NPAS3: variants seen among roughly 807,000 people sequenced by gnomAD.
The protein encoded by NPAS3 is neuronal PAS domain protein 3.
A neutral mutation model predicts 73.1 loss-of-function variants in NPAS3; 14 were observed. That is an observed-to-expected ratio of 0.19 (90% CI 0.13 to 0.30). The LOEUF is 0.30. Ranked by LOEUF, NPAS3 falls within the 10% of genes least tolerant of loss-of-function variation. The pLI is 1.00. For synonymous variants in NPAS3, 620 were observed against 541.5 expected, an observed-to-expected ratio of 1.14 and a Z score of -2.01; for missense variants, 1,096 against 1,250.0, an observed-to-expected ratio of 0.88 and a Z score of 1.86.
At chr14:33,652,531 G>C (rs756106474) in intron 5 of NPAS3, among the ~76,000 whole-genome samples, 4 of 152,136 alleles carry the variant, frequency 2.6e-5, no homozygotes, top group Admixed American at 2.6e-4. Context: ...CCAGGGGCTC[G>C]CAGAGCCCAA....
At chr14:33,381,653 G>T (rs1463511519) in intron 4 of NPAS3, among the ~76,000 whole-genome samples, 1 of 152,186 alleles carries the variant, frequency 6.6e-6, no homozygotes, top group East Asian at 1.9e-4. Flanking sequence ...GAGTGACAGA[G>T]AAAAGAATTA....
intron 7 of NPAS3, among the ~76,000 whole-genome samples, chr14:33,769,762 T>TTTC (rs2062589116): frequency 7.8e-6 from 1 of 127,720 alleles, no homozygotes; most frequent in Non-Finnish European, 1.7e-5. Context: ...TTTTCTTTTT[T>TTTC]TTTTTTTTTT....
intron 5 of NPAS3, among the ~76,000 whole-genome samples, chr14:33,582,781 G>A (rs2056717291): frequency 1.3e-5 from 2 of 152,086 alleles, no homozygotes; most frequent in African/African-American, 4.8e-5. Context: ...TTATAGATAT[G>A]TATGCTATAA....
chr14:33,727,477 T>C (rs575393827), intron 6 of NPAS3, among the ~76,000 whole-genome samples: 19 of 152,214 alleles, frequency 1.2e-4, no homozygotes, highest in African/African-American at 3.9e-4. Context: ...ACAGTGAAGA[T>C]TGAACATGAC....
rs146421247 is a variant in NPAS3 at position 33,442,323 on chromosome 14, C to G, written c.468+75055C>G. On this transcript the variant is annotated intron_variant, in intron 4 of 11. Transcript: ENST00000356141. ...ATGGTGGTGCCTGCCTGCAGCCTCA[C>G]CTACTCAGGAGACTGAGGTGGGAGG... Among the ~76,000 whole-genome samples, 20 of 152,092 alleles carry G rather than the reference C, an allele frequency of 1.3e-4. No individual in the cohort carries two copies. The East Asian group carries it at 3.9e-3, about 29-fold the overall frequency.
intron 3 of NPAS3, among the ~76,000 whole-genome samples, chr14:33,293,916 T>C (rs771464299): frequency 3.3e-5 from 5 of 152,170 alleles, no homozygotes; most frequent in Admixed American, 2.0e-4. Flanking sequence ...TGGCCACTGG[T>C]ATATGGATCA....
intron 9 of NPAS3, among the ~76,000 whole-genome samples, chr14:33,779,657 A>G (rs1401890268): frequency 2.0e-5 from 3 of 152,236 alleles, no homozygotes; most frequent in Non-Finnish European, 2.9e-5. Context: ...TATTCAGTAG[A>G]GTAACATGCT....
intron 3 of NPAS3, among the ~76,000 whole-genome samples, chr14:33,246,406 G>A (rs1218543983): frequency 6.6e-6 from 1 of 151,878 alleles, no homozygotes; most frequent in Non-Finnish European, 1.5e-5. Context: ...GGGCATGGTG[G>A]CGGGCACGTG....
intron 2 of NPAS3, among the ~76,000 whole-genome samples, chr14:33,069,318 T>A (rs1364874154): frequency 1.3e-5 from 2 of 152,222 alleles, no homozygotes; most frequent in Non-Finnish European, 2.9e-5. Context: ...AAAAGTTAAA[T>A]GGTAAGAGGC....
At chr14:32,992,772 G>A (rs1250384243) in intron 1 of NPAS3, among the ~76,000 whole-genome samples, 2 of 152,222 alleles carry the variant, frequency 1.3e-5, no homozygotes, top group Non-Finnish European at 2.9e-5. Context: ...AGTCAAAGAT[G>A]ACTCCAAAGT....
intron 4 of NPAS3, among the ~76,000 whole-genome samples, chr14:33,548,951 T>C (rs1024301295): frequency 1.3e-5 from 2 of 152,228 alleles, no homozygotes; most frequent in Non-Finnish European, 1.5e-5. Flanking sequence ...CTGGGACATG[T>C]ATATGGTAGC....
At chr14:32,973,455 G>A (rs1412047636) in intron 1 of NPAS3, among the ~76,000 whole-genome samples, 3 of 151,068 alleles carry the variant, frequency 2.0e-5, no homozygotes, top group African/African-American at 4.9e-5. Context: ...ATCTAAAAAT[G>A]TACTTTCAGA....
intron 4 of NPAS3, among the ~76,000 whole-genome samples, chr14:33,531,679 C>T (rs1342893896): frequency 6.6e-6 from 1 of 152,026 alleles, no homozygotes; most frequent in Admixed American, 6.6e-5. Context: ...TTACATTTCC[C>T]TAGGGTAAAT....
chr14:33,796,200 T>C (rs528253988), intron 10 of NPAS3, among the ~76,000 whole-genome samples: 1 of 152,352 alleles, frequency 6.6e-6, no homozygotes, highest in South Asian at 2.1e-4. Flanking sequence ...ACATCACTTC[T>C]TCCTGCCCAG....
intron 5 of NPAS3, among the ~76,000 whole-genome samples, chr14:33,631,037 G>A (rs2058363195): frequency 6.6e-6 from 1 of 152,218 alleles, no homozygotes; most frequent in African/African-American, 2.4e-5. Flanking sequence ...GCTTGAAATA[G>A]TTCATGCACC....
intron 3 of NPAS3, among the ~76,000 whole-genome samples, chr14:33,271,145 G>C (rs1249719593): frequency 1.3e-5 from 2 of 152,192 alleles, no homozygotes; most frequent in Non-Finnish European, 2.9e-5. Context: ...AAAAGGGTCT[G>C]ATCTAAGGCT....
chr14:33,048,451 G>A (rs531444649), intron 1 of NPAS3, among the ~76,000 whole-genome samples: 11 of 152,276 alleles, frequency 7.2e-5, no homozygotes, highest in South Asian at 2.1e-4. Context: ...GTCAGGCTGC[G>A]CCTTCAGATG....
intron 2 of NPAS3, among the ~76,000 whole-genome samples, chr14:33,076,795 G>A (rs1197710965): frequency 6.6e-6 from 1 of 152,162 alleles, no homozygotes; most frequent in Non-Finnish European, 1.5e-5. Context: ...AAAGCAATGT[G>A]TTAGTACAAA....
At chr14:33,012,084 G>GT (rs144745630) in intron 1 of NPAS3, among the ~76,000 whole-genome samples, 1 of 39,630 alleles carries the variant, frequency 2.5e-5, no homozygotes, top group South Asian at 1.1e-3. Flanking sequence ...GGCTGTGCCT[G>GT]CCTTCCCTTC....
Sources: allele counts gnomAD v4.1 joint callset (sites outside exome capture counted in the v4.1 genomes callset), GRCh38; gene constraint gnomAD v4.1.1; transcripts MANE v1.5; gene names NCBI Gene and HGNC (gene_info 2026-07-23, HGNC 2026-07-21).